SLC25A48: variants seen among roughly 807,000 people sequenced by gnomAD.
SLC25A48 encodes solute carrier family 25 member 48, also known as CTC-321K16.1.
SLC25A48 carries 29 observed loss-of-function variants against 32.2 expected under a neutral mutation model. That is an observed-to-expected ratio of 0.90 (90% CI 0.67 to 1.23). The LOEUF is 1.23. Among genes scored for constraint, SLC25A48 ranks in the 50% most tolerant of loss-of-function variants. The probability of loss-of-function intolerance (pLI) is 0.00; values close to 1 mark genes in which losing one functional copy is unlikely to be tolerated. For synonymous variants in SLC25A48, 164 were observed against 172.3 expected (o/e 0.95, Z 0.38); for missense variants, 399 against 422.7 (o/e 0.94, Z 0.49).
In SLC25A48 at chr5:135,797,192, G is replaced by A. The variant is rs1026010998; in HGVS notation, c.-520-15331G>A. The stretch of plus-strand genomic sequence containing the variant: ...AGAAGATGATAATACTCCCAATATC[G>A]CAGTGGGTGTACACCCCCATGTGAT... On this transcript the variant is annotated intron_variant, in intron 3 of 10. Transcript: ENST00000646290. Among the ~76,000 whole-genome samples the A allele has an allele frequency of 2.0e-5, 3 of 151,860 alleles. No individual in the cohort carries two copies. In the South Asian group the frequency reaches 6.2e-4, roughly 32 times the overall value.
At chr5:135,683,132 G>A (rs1236543193) in intron 3 of SLC25A48, among the ~76,000 whole-genome samples, 2 of 152,076 alleles carry the variant, frequency 1.3e-5, no homozygotes, top group Non-Finnish European at 2.9e-5. Flanking sequence ...ACCCTCCATT[G>A]ACCTGACTGC....
intron 3 of SLC25A48, among the ~76,000 whole-genome samples, chr5:135,721,095 G>A (rs1422896282): frequency 1.3e-5 from 2 of 149,264 alleles, no homozygotes; most frequent in East Asian, 3.9e-4. Context: ...AGGCTGGAGT[G>A]TAGTGGCCTG....
chr5:135,631,681 A>T (rs533499765), intron 2 of SLC25A48, among the ~76,000 whole-genome samples: 1 of 152,362 alleles, frequency 6.6e-6, no homozygotes, highest in South Asian at 2.1e-4. Context: ...CTCATGTTGT[A>T]CAAAATGACA....
chr5:135,734,154 T>C (rs1038435832), intron 3 of SLC25A48, among the ~76,000 whole-genome samples: 1 of 152,044 alleles, frequency 6.6e-6, no homozygotes, highest in Non-Finnish European at 1.5e-5. Flanking sequence ...TTTAATGGGA[T>C]AGTAATGGGC....
chr5:135,744,826 G>A lies in SLC25A48; in HGVS notation c.-520-67697G>A, dbSNP rs1016937525. Among the ~76,000 whole-genome samples, 115 of 151,934 alleles carry A rather than the reference G, an allele frequency of 7.6e-4. 5 individuals are homozygous for A. The highest frequency in any genetic ancestry group is 3.4e-3 in the Middle Eastern group (1 of 294). ...GGAGGCTGAGGCAGGCAGATCACCT[G>A]AGGTCTGGAGTTCAAGACCAGCCTG... On this transcript the variant is annotated intron_variant, in intron 3 of 10. Transcript: ENST00000646290.
intron 4 of SLC25A48, among the ~76,000 whole-genome samples, chr5:135,858,992 G>T (rs1760563536): frequency 6.6e-6 from 1 of 152,060 alleles, no homozygotes; most frequent in Admixed American, 6.6e-5. Flanking sequence ...AAGTCACCAG[G>T]CAGTGTTTTC....
chr5:135,595,615 G>A (rs1751631723), intron 1 of SLC25A48, among the ~76,000 whole-genome samples: 1 of 152,236 alleles, frequency 6.6e-6, no homozygotes, highest in African/African-American at 2.4e-5. Flanking sequence ...GGGGTGAAGA[G>A]AGCAGGGGCT....
chr5:135,653,437 GA>G (rs1240624243), intron 3 of SLC25A48, among the ~76,000 whole-genome samples: 1 of 152,200 alleles, frequency 6.6e-6, no homozygotes. Context: ...CAGGGTAATT[GA>G]GGACTCAGAG....
intron 4 of SLC25A48, among the ~76,000 whole-genome samples, chr5:135,866,042 C>A (rs1761175830): frequency 6.6e-6 from 1 of 152,214 alleles, no homozygotes; most frequent in Non-Finnish European, 1.5e-5. Context: ...ATGACTCCCA[C>A]TGGCTGAGCC....
intron 3 of SLC25A48, among the ~76,000 whole-genome samples, chr5:135,786,114 C>T (rs1370036027): frequency 6.6e-6 from 1 of 150,910 alleles, no homozygotes; most frequent in East Asian, 2.0e-4. Context: ...ATATTACTCC[C>T]CATGAGCAGA....
chr5:135,800,424 C>T (rs1409848229), intron 3 of SLC25A48, among the ~76,000 whole-genome samples: 1 of 151,828 alleles, frequency 6.6e-6, no homozygotes, highest in Non-Finnish European at 1.5e-5. Flanking sequence ...GATGATATTA[C>T]TTTCAATATC....
intron 2 of SLC25A48, among the ~76,000 whole-genome samples, chr5:135,849,911 T>C (rs1357396011): frequency 6.6e-6 from 1 of 152,124 alleles, no homozygotes; most frequent in Non-Finnish European, 1.5e-5. Context: ...GGGAGGCCAC[T>C]GGAGGCTTCA....
intron 3 of SLC25A48, among the ~76,000 whole-genome samples, chr5:135,651,574 G>C (rs1477943564): frequency 6.6e-6 from 1 of 152,116 alleles, no homozygotes; most frequent in East Asian, 1.9e-4. Flanking sequence ...GCTCTTCTGT[G>C]GGCATCAATC....
At chr5:135,635,746 G>C (rs993301334) in intron 3 of SLC25A48, among the ~76,000 whole-genome samples, 2 of 152,172 alleles carry the variant, frequency 1.3e-5, no homozygotes, top group Non-Finnish European at 2.9e-5. Flanking sequence ...GAATTGGGAA[G>C]AGATACTGAC....
intron 1 of SLC25A48, among the ~76,000 whole-genome samples, chr5:135,608,022 G>T (rs1031280916): frequency 1.1e-5 from 1 of 92,614 alleles, no homozygotes; most frequent in Non-Finnish European, 2.1e-5. Flanking sequence ...GTGAACATGT[G>T]TGTGAATTTT....
chr5:135,739,544 C>T (rs1261962840), intron 3 of SLC25A48, among the ~76,000 whole-genome samples: 1 of 152,212 alleles, frequency 6.6e-6, no homozygotes, highest in Non-Finnish European at 1.5e-5. Flanking sequence ...GCCTCAAGCA[C>T]TAACAGGGAA....
At chr5:135,705,634 A>G (rs191591405) in intron 3 of SLC25A48, among the ~76,000 whole-genome samples, 26 of 152,322 alleles carry the variant, frequency 1.7e-4, no homozygotes, top group Admixed American at 1.6e-3. Context: ...TGACAACATA[A>G]AAGTACCTGT....
chr5:135,619,176 G>A (rs922240143), intron 1 of SLC25A48, among the ~76,000 whole-genome samples: 1 of 151,772 alleles, frequency 6.6e-6, no homozygotes, highest in African/African-American at 2.4e-5. Flanking sequence ...CAAACACTTT[G>A]TTCCTCATTC....
intron 7 of SLC25A48, among the ~76,000 whole-genome samples, chr5:135,884,041 C>T (rs894379825): frequency 4.6e-5 from 7 of 152,210 alleles, no homozygotes; most frequent in African/African-American, 1.7e-4. Context: ...CCGTGGCAGC[C>T]ACCACCAGCC....
Sources: allele counts gnomAD v4.1 joint callset (sites outside exome capture counted in the v4.1 genomes callset), GRCh38; gene constraint gnomAD v4.1.1; transcripts MANE v1.5; gene names NCBI Gene and HGNC (gene_info 2026-07-23, HGNC 2026-07-21).